LRRC8D: variants seen among roughly 807,000 people sequenced by gnomAD.
The protein encoded by LRRC8D is leucine rich repeat containing 8 VRAC subunit D.
A neutral mutation model predicts 55.8 loss-of-function variants in LRRC8D; 20 were observed. That is an observed-to-expected ratio of 0.36 (90% CI 0.25 to 0.52). The LOEUF (loss-of-function observed/expected upper bound fraction) is 0.52. LRRC8D is among the 20% of genes least tolerant of loss of function. The probability of loss-of-function intolerance (pLI) is 0.93; values close to 1 mark genes in which losing one functional copy is unlikely to be tolerated. For synonymous variants in LRRC8D, 352 were observed against 377.0 expected, an observed-to-expected ratio of 0.93 and a Z score of 0.77; for missense variants, 651 against 1,030.8, an observed-to-expected ratio of 0.63 and a Z score of 5.05.
At chr1:89,869,909 A>G (rs1436232578) in intron 2 of LRRC8D, among the ~76,000 whole-genome samples, 2 of 151,758 alleles carry the variant, frequency 1.3e-5, no homozygotes, top group East Asian at 3.9e-4. Context: ...GGAGTTTGAG[A>G]CCAGCCTGAC....
chr1:89,821,737 T>C (rs956863024), intron 1 of LRRC8D, among the ~76,000 whole-genome samples: 1 of 152,030 alleles, frequency 6.6e-6, no homozygotes, highest in Admixed American at 6.5e-5. Flanking sequence ...GGTGAGCCCT[T>C]TAACTTCTCC....
At chr1:89,925,430 C>T (rs1234067981) in intron 2 of LRRC8D, among the ~76,000 whole-genome samples, 2 of 152,054 alleles carry the variant, frequency 1.3e-5, no homozygotes, top group East Asian at 3.9e-4. Flanking sequence ...AGCCCGAAAC[C>T]ATCCCCCTCC....
At position 89,922,671 on chromosome 1, in the gene LRRC8D, G is replaced by A. The variant is rs541646036; in HGVS notation, c.-2-10396G>A. Among the ~76,000 whole-genome samples the A allele has an allele frequency of 4.6e-5, 7 of 152,318 alleles. No homozygotes were observed. In the South Asian group the frequency reaches 1.4e-3, roughly 32 times the overall value. On this transcript the variant is annotated intron_variant, in intron 2 of 2. Transcript: ENST00000337338. ...TTTTTATTATTAAGATTTTACCAAT[G>A]AGGCATGAATGTTAGAGAGGTAATA...
chr1:89,842,634 A>T (rs1007159116), intron 1 of LRRC8D, among the ~76,000 whole-genome samples: 3 of 145,982 alleles, frequency 2.1e-5, no homozygotes, highest in Non-Finnish European at 4.7e-5. Flanking sequence ...AGCGCTTTTT[A>T]ACCTGGTAGA....
rs760960946 is a variant in LRRC8D, at chr1:89,821,724, A to G, written c.-148+433A>G. Among the ~76,000 whole-genome samples the G allele has an allele frequency of 5.3e-5, 8 of 152,062 alleles. 1 individual carries two copies. The highest frequency in any genetic ancestry group is 1.9e-4 in the African/African-American group (8 of 41,526). ...GTCTGGCCTTGCTGGCCCGGCGTCC[A>G]AAGGTGAGCCCTTTAACTTCTCCAG... On this transcript the variant is annotated intron_variant, in intron 1 of 2. Transcript: ENST00000337338.
chr1:89,866,341 T>C (rs1281866849), intron 2 of LRRC8D, among the ~76,000 whole-genome samples: 2 of 152,234 alleles, frequency 1.3e-5, no homozygotes, highest in East Asian at 3.9e-4. Context: ...AATACACACT[T>C]GGGCATGGTA....
At position 89,913,137 on chromosome 1, in the gene LRRC8D, A is replaced by G. The variant is rs1663175808; in HGVS notation, c.-2-19930A>G. ...GCCAAGTCAAGTAGCCTTGTCTTGT[A>G]GCCTTGTCTTTATGAAGGTTACCAG... On this transcript the variant is annotated intron_variant, in intron 2 of 2. Coordinates refer to ENST00000337338, the MANE Select transcript of LRRC8D (RefSeq NM_001134479.2). Among the ~76,000 whole-genome samples, 3 of 152,152 alleles carry G rather than the reference A, an allele frequency of 2.0e-5. No homozygotes were observed. The South Asian group carries it at 6.3e-4, about 32-fold the overall frequency.
At chr1:89,870,484 A>G (rs1214525917) in intron 2 of LRRC8D, among the ~76,000 whole-genome samples, 1 of 152,196 alleles carries the variant, frequency 6.6e-6, no homozygotes, top group East Asian at 1.9e-4. Context: ...TCAAAAAAAA[A>G]AAGAAGAAGA....
intron 1 of LRRC8D, among the ~76,000 whole-genome samples, chr1:89,831,068 G>A (rs1257825383): frequency 6.6e-6 from 1 of 151,916 alleles, no homozygotes; most frequent in Non-Finnish European, 1.5e-5. Context: ...ACCACACCCA[G>A]CTAATCTTTG....
chr1:89,892,182 G>C (rs1331854692), intron 2 of LRRC8D, among the ~76,000 whole-genome samples: 1 of 152,182 alleles, frequency 6.6e-6, no homozygotes, highest in East Asian at 1.9e-4. Context: ...ATATTTCACA[G>C]TGCTGCTGCT....
intron 1 of LRRC8D, among the ~76,000 whole-genome samples, chr1:89,829,098 T>G (rs1216381951): frequency 6.6e-6 from 1 of 152,210 alleles, no homozygotes; most frequent in Non-Finnish European, 1.5e-5. Flanking sequence ...AAAATTAAAA[T>G]GCTTGGAAAA....
intron 1 of LRRC8D, among the ~76,000 whole-genome samples, chr1:89,821,764 C>T (rs553779905): frequency 2.0e-5 from 3 of 152,132 alleles, no homozygotes; most frequent in African/African-American, 7.2e-5. Context: ...GCCTCCCCTC[C>T]GCTTCCTTCC....
At chr1:89,877,241 T>G (rs1662170199) in intron 2 of LRRC8D, among the ~76,000 whole-genome samples, 1 of 152,158 alleles carries the variant, frequency 6.6e-6, no homozygotes, top group Admixed American at 6.5e-5. Flanking sequence ...TCTTTTTTTT[T>G]TTTTAAATTT....
At chr1:89,846,226 C>T (rs1416444875) in intron 2 of LRRC8D, among the ~76,000 whole-genome samples, 2 of 152,062 alleles carry the variant, frequency 1.3e-5, no homozygotes, top group Non-Finnish European at 1.5e-5. Context: ...AGAACAGAGT[C>T]TCCTTCTATT....
intron 2 of LRRC8D, among the ~76,000 whole-genome samples, chr1:89,859,709 C>A (rs889542775): frequency 1.3e-5 from 2 of 152,132 alleles, no homozygotes; most frequent in Non-Finnish European, 2.9e-5. Context: ...GCCTTTTCAT[C>A]CATTTATTTT....
intron 2 of LRRC8D, among the ~76,000 whole-genome samples, chr1:89,907,590 C>G (rs1269514968): frequency 2.0e-5 from 3 of 152,158 alleles, no homozygotes; most frequent in African/African-American, 7.2e-5. Flanking sequence ...CTCATTTTCT[C>G]AGAGTTTTAG....
intron 2 of LRRC8D, among the ~76,000 whole-genome samples, chr1:89,903,115 C>G (rs975183071): frequency 6.6e-6 from 1 of 152,164 alleles, no homozygotes; most frequent in Non-Finnish European, 1.5e-5. Context: ...TGACATCACA[C>G]AGCTAATAAA....
At chr1:89,918,276 C>T (rs972434482) in intron 2 of LRRC8D, among the ~76,000 whole-genome samples, 2 of 152,188 alleles carry the variant, frequency 1.3e-5, no homozygotes, top group African/African-American at 2.4e-5. Flanking sequence ...CCTTATTCCA[C>T]ACAATGAATA....
chr1:89,881,173 T>C (rs1662273567), intron 2 of LRRC8D, among the ~76,000 whole-genome samples: 1 of 152,182 alleles, frequency 6.6e-6, no homozygotes, highest in East Asian at 1.9e-4. Flanking sequence ...TTCAATGATT[T>C]CTCCTTTATG....
Sources: allele counts gnomAD v4.1 joint callset (sites outside exome capture counted in the v4.1 genomes callset), GRCh38; gene constraint gnomAD v4.1.1; transcripts MANE v1.5; gene names NCBI Gene and HGNC (gene_info 2026-07-23, HGNC 2026-07-21).